Variants in CTC1 observed in about 807,000 individuals in gnomAD.
CTC1 encodes CST complex subunit CTC1.
Under a neutral mutation model 136.3 loss-of-function variants are expected in CTC1, and 91 were observed. The observed-to-expected ratio is 0.67, with a 90% CI of 0.56 to 0.79. The LOEUF (loss-of-function observed/expected upper bound fraction) is 0.79, where lower values mean the gene tolerates loss of function less well. Among genes scored for constraint, CTC1 ranks in the 30% least tolerant of loss-of-function variants. CTC1 has a pLI of 0.00. For missense variants in CTC1, 1,432 were observed against 1,498.1 expected (o/e 0.96, Z 0.73); for synonymous variants, 606 against 613.8 (o/e 0.99, Z 0.19).
chr17:8,232,613 C>T, intron 11 of CTC1, 138 bp from the exon 12 acceptor site: 1 of 718,108 alleles, frequency 1.4e-6, no homozygotes, highest in South Asian at 1.8e-5. Context: ...CCACACCTGA[C>T]CCCCACCTTA....
rs2151523551 is a variant in CTC1, at chr17:8,236,220, G to A, written c.915C>T (p.Ser305=). The part of the protein sequence containing the change: ...RQHVWMTSQS[S]RLLLLKPECV... Reference sequence around the variant, plus strand: ...ATTCTGGTTTCAGCAGCAACAGACGGGAGGACTGACTGGTCATCCAAACAT... The same window carrying A: ...ATTCTGGTTTCAGCAGCAACAGACGAGAGGACTGACTGGTCATCCAAACAT... Residue 305 remains serine (S), a synonymous_variant, in exon 6 of 23, where the codon TCC becomes TCT. Coordinates refer to ENST00000651323, the MANE Select transcript of CTC1 (RefSeq NM_025099.6). 2 of 1,614,216 alleles carry A rather than the reference G, an allele frequency of 1.2e-6. No individual in the cohort carries two copies. The highest frequency in any genetic ancestry group is 2.2e-5 in the East Asian group (1 of 44,886).
chr17:8,225,612 C>T lies in CTC1; in HGVS notation c.*2568G>A, dbSNP rs1986567492. On this transcript the variant is annotated 3_prime_UTR_variant, in exon 23 of 23. Coordinates refer to ENST00000651323, the MANE Select transcript of CTC1 (RefSeq NM_025099.6). ...CTCCCGAATGATGCTTTCTTGGACT[C>T]TGTTCACATGGCCTCAGCCCTTCTG... 1 of 152,282 alleles carries T rather than the reference C, an allele frequency of 6.6e-6. No individual in the cohort carries two copies. Among genetic ancestry groups the T allele is most frequent in the South Asian group, 2.1e-4 (1 of 4,832 alleles). The allele number at this position is 152,282 out of a possible 1,614,324, so 9.4% of individuals were successfully genotyped here. A position where few individuals can be genotyped will look rare whatever the true frequency, so the allele number is the denominator to read the frequency against.
At position 8,236,427 on chromosome 17, in the gene CTC1, C is replaced by T. The variant is rs191315114; in HGVS notation, c.793-85G>A. The T allele has an allele frequency of 4.0e-5, 57 of 1,407,436 alleles. No individual in the cohort carries two copies. In the East Asian group the frequency reaches 8.6e-4, roughly 21 times the overall value. 87.2% of individuals were successfully genotyped at this position (1,407,436 alleles called of 1,614,324 possible). A position where few individuals can be genotyped will look rare whatever the true frequency, so the allele number is the denominator to read the frequency against. ...GAGTCCTTTTCCCTCACGATTTGAA[C>T]TCAGAGACCTGCCCTCTGTGAGTCT... is the stretch of plus-strand genomic sequence containing the variant. On this transcript the variant is annotated intron_variant, in intron 5 of 22. Coordinates refer to ENST00000651323, the MANE Select transcript of CTC1 (RefSeq NM_025099.6).
intron 1 of CTC1, among the ~76,000 whole-genome samples, chr17:8,246,765 G>A (rs1163410650): frequency 6.6e-6 from 1 of 151,874 alleles, no homozygotes; most frequent in Non-Finnish European, 1.5e-5. Flanking sequence ...GGGCATGGCG[G>A]CGCGTGCCTG....
Position 8,238,065 on chromosome 17 carries a change from A to G in CTC1, c.613T>C (p.Tyr205His). The G allele has an allele frequency of 6.2e-7, 1 of 1,614,090 alleles. No individual in the cohort carries two copies. Among genetic ancestry groups the G allele is most frequent in the Non-Finnish European group, 8.5e-7 (1 of 1,179,992 alleles). Residue 205 changes from tyrosine to histidine, a missense_variant, in exon 4 of 23, where the codon TAC becomes CAC. Transcript: ENST00000651323. ...AGCAGGCAGGAAGCACTCTCTGGGTAGAGGACAGGGATAGGCGTGACGGGG... is the reference window on the plus strand; with the variant it reads ...AGCAGGCAGGAAGCACTCTCTGGGTGGAGGACAGGGATAGGCGTGACGGGG... Reference protein sequence around the residue: ...PGPVTPIPVLYPESASCLLRL... With the variant: ...PGPVTPIPVLHPESASCLLRL...
chr17:8,240,845 T>C (rs1314165133), intron 2 of CTC1, among the ~76,000 whole-genome samples: 1 of 152,030 alleles, frequency 6.6e-6, no homozygotes, highest in Non-Finnish European at 1.5e-5. Context: ...TATTGCACTA[T>C]AGCCTGGGCC....
intron 10 of CTC1, among the ~76,000 whole-genome samples, chr17:8,233,968 A>G (rs1486960791): frequency 6.6e-6 from 1 of 152,166 alleles, no homozygotes; most frequent in Non-Finnish European, 1.5e-5. Context: ...AGAGTTCTGT[A>G]ATACAAGTTT....
chr17:8,235,188 G>A lies in CTC1; in HGVS notation c.1304C>T (p.Ser435Phe). 1 of 1,614,144 alleles carries A rather than the reference G, an allele frequency of 6.2e-7. No homozygotes were observed. The change falls in exon 8 of 23, where the codon TCT becomes TTT. Residue 435 changes from serine (S) to phenylalanine (F), a missense_variant. Coordinates refer to ENST00000651323, the MANE Select transcript of CTC1 (RefSeq NM_025099.6). ...LRGAVLLQSF[S>F]RQKPGAHSSR... ...TGAGTGAGCCCCAGGCTTCTGACGA[G>A]AGAAGCTTTGAAGCAGAACGGCGCC...
chr17:8,236,421 T>C, intron 5 of CTC1, 79 bp from the exon 6 acceptor site: 1 of 1,465,318 alleles, frequency 6.8e-7, no homozygotes, highest in Non-Finnish European at 9.2e-7. Context: ...TCCCTCACGA[T>C]TTGAACTCAG....
chr17:8,230,198 A>T, intron 17 of CTC1, 96 bp downstream of exon 17: 1 of 1,282,944 alleles, frequency 7.8e-7, no homozygotes, highest in Non-Finnish European at 1.1e-6. Flanking sequence ...CCTGTATGAA[A>T]GAGAAGGGGT....
At chr17:8,245,052 A>G (rs577452466) in intron 1 of CTC1, among the ~76,000 whole-genome samples, 1 of 152,248 alleles carries the variant, frequency 6.6e-6, no homozygotes, top group East Asian at 1.9e-4. Context: ...AGAACAGAAA[A>G]CCAAATACTG....
Position 8,243,141 on chromosome 17 carries a change from G to A in CTC1, c.41C>T (p.Ala14Val). 1 of 1,612,320 alleles carries A rather than the reference G, an allele frequency of 6.2e-7. No individual in the cohort carries two copies. The highest frequency in any genetic ancestry group is 8.5e-7 in the Non-Finnish European group (1 of 1,179,354). The change falls in exon 2 of 23, where the codon GCC (alanine) becomes GTC (valine). Residue 14 changes from alanine (A) to valine (V), a missense_variant. By Grantham distance (64) the Ala-to-Val change is moderately conservative. Transcript: ENST00000651323. ...GAAGACCTGAGCATCCTCAAGCCAG[G>A]CTTGTTCCTGAGGAAAGTGAATTTA... ...GRAQVPSSEQ[A>V]WLEDAQVFIQ...
chr17:8,238,554 T>G lies in CTC1; in HGVS notation c.273A>C (p.Ala91=), dbSNP rs756431160. Residue 91 remains alanine, a synonymous_variant, in exon 3 of 23, where the codon GCA becomes GCC. Coordinates refer to ENST00000651323, the MANE Select transcript of CTC1 (RefSeq NM_025099.6). The stretch of plus-strand genomic sequence containing the variant: ...CAGCCTCTTGGGCCCAGGCCTGGTA[T>G]GCACTACTGCTCCACGACAGGTGGC... ...CCSHLSWSSS[A]YQAWAQEAGP... The G allele has an allele frequency of 6.2e-7, 1 of 1,614,184 alleles. No homozygotes were observed. Among genetic ancestry groups the G allele is most frequent in the Non-Finnish European group, 8.5e-7 (1 of 1,180,012 alleles).
At chr17:8,245,809 G>A (rs1988633213) in intron 1 of CTC1, among the ~76,000 whole-genome samples, 1 of 152,160 alleles carries the variant, frequency 6.6e-6, no homozygotes, top group South Asian at 2.1e-4. Flanking sequence ...GCTCGTGCCT[G>A]TAGTCCCAGC....
intron 2 of CTC1, 141 bp from the exon 3 acceptor site, chr17:8,238,770 G>C (rs554826585): frequency 1.6e-6 from 1 of 609,974 alleles, no homozygotes; most frequent in African/African-American, 1.8e-5. Flanking sequence ...TGATTAAAGG[G>C]GTAAAACCTG....
chr17:8,242,751 TTCTC>T (rs987047147), intron 2 of CTC1, among the ~76,000 whole-genome samples: 8 of 151,816 alleles, frequency 5.3e-5, no homozygotes, highest in Admixed American at 1.3e-4. Context: ...CAAATTTTCT[TTCTC>T]TCTTCCCCTC....
chr17:8,247,751 G>C (rs901954956), intron 1 of CTC1: 5 of 504,416 alleles, frequency 9.9e-6, no homozygotes, highest in Non-Finnish European at 1.8e-5. Context: ...ACCTGCTCCT[G>C]GTTTCCCACC....
At position 8,237,426 on chromosome 17, in the gene CTC1, CAGGATG is replaced by C; in HGVS notation, c.735_740del (p.Phe245_Ile246del). 6.2e-7 allele frequency: 1 copy of C among 1,614,006 alleles called. No homozygotes were observed. The highest frequency in any genetic ancestry group is 1.6e-4 in the Middle Eastern group (1 of 6,062). ...CAGCTGGGTGTGATCTACCAAGAGA[CAGGATG>C]AAGTAAGCTTTCTGTTTACTTTTCA... On this transcript the variant is annotated inframe_deletion, in exon 5 of 23. Transcript: ENST00000651323.
In CTC1 at chr17:8,234,540, G is replaced by A. The variant is rs757067280; in HGVS notation, c.1733C>T (p.Ala578Val). The A allele has an allele frequency of 4.5e-6, 7 of 1,569,858 alleles. No individual in the cohort carries two copies. The highest frequency in any genetic ancestry group is 6.1e-6 in the Non-Finnish European group (7 of 1,156,690). ...GAGTTGGCAGCTGGGCAGGTAGGAGGCCTCCGGGAGGGGCAGAAGGGCCTT... is the reference window on the plus strand; with the variant it reads ...GAGTTGGCAGCTGGGCAGGTAGGAGACCTCCGGGAGGGGCAGAAGGGCCTT... Reference protein sequence around the residue: ...DPKALLPLPEASYLPSCQLNR... With the variant: ...DPKALLPLPEVSYLPSCQLNR... Residue 578 changes from alanine (A) to valine (V), a missense_variant, in exon 10 of 23, where the codon GCC becomes GTC. Coordinates refer to ENST00000651323, the MANE Select transcript of CTC1 (RefSeq NM_025099.6).
Sources: allele counts gnomAD v4.1 joint callset (sites outside exome capture counted in the v4.1 genomes callset), GRCh38; gene constraint gnomAD v4.1.1; transcripts MANE v1.5; gene names NCBI Gene and HGNC (gene_info 2026-07-23, HGNC 2026-07-21).